The following ADGRL2 variants were observed in gnomAD, a reference collection of about 807,000 sequenced individuals.
ADGRL2 encodes adhesion G protein-coupled receptor L2.
In ADGRL2, 44 loss-of-function variants were observed where a neutral mutation model predicts 157.4. The observed-to-expected ratio is 0.28, with a 90% CI of 0.22 to 0.36. The LOEUF (loss-of-function observed/expected upper bound fraction) is 0.36. Among genes scored for constraint, ADGRL2 ranks in the 10% least tolerant of loss-of-function variants. The pLI is 1.00. For synonymous variants in ADGRL2, 585 were observed against 624.7 expected (o/e 0.94, Z 0.95); for missense variants, 1,510 against 1,768.9 (o/e 0.85, Z 2.63).
chr1:81,826,170 GCACA>G (rs1479322389), intron 1 of ADGRL2, among the ~76,000 whole-genome samples: 32 of 152,132 alleles, frequency 2.1e-4, no homozygotes, highest in Admixed American at 5.9e-4. Flanking sequence ...ATGCATACAT[GCACA>G]TATATATTTA....
chr1:81,980,816 C>G, intron 18 of ADGRL2: 1 of 716,752 alleles, frequency 1.4e-6, no homozygotes, highest in Non-Finnish European at 2.6e-6. Context: ...TTTGTGATGG[C>G]TACTATAATA....
At chr1:81,527,134 GGT>G (rs2079478116) in intron 2 of ADGRL2, among the ~76,000 whole-genome samples, 1 of 152,152 alleles carries the variant, frequency 6.6e-6, no homozygotes, top group Non-Finnish European at 1.5e-5. Context: ...TAATCTGTTA[GGT>G]ACTATTAGGA....
At chr1:81,353,793 A>G (rs981394063) in intron 1 of ADGRL2, among the ~76,000 whole-genome samples, 4 of 152,166 alleles carry the variant, frequency 2.6e-5, no homozygotes, top group African/African-American at 4.8e-5. Flanking sequence ...CAAGGATGCT[A>G]TGGCTCTGGA....
At chr1:81,708,532 A>G (rs1442031602) in intron 1 of ADGRL2, among the ~76,000 whole-genome samples, 8 of 152,152 alleles carry the variant, frequency 5.3e-5, no homozygotes, top group Non-Finnish European at 1.0e-4. Context: ...CAATGCACAT[A>G]TAATGATGTA....
intron 3 of ADGRL2, among the ~76,000 whole-genome samples, chr1:81,608,452 T>G (rs893938953): frequency 6.6e-6 from 1 of 152,200 alleles, no homozygotes. Context: ...ATCTCATTAA[T>G]AAACATCACA....
intron 2 of ADGRL2, among the ~76,000 whole-genome samples, chr1:81,504,910 A>G: frequency 6.6e-6 from 1 of 152,114 alleles, no homozygotes; most frequent in East Asian, 1.9e-4. Flanking sequence ...CCTGCGCGGG[A>G]GCAGGCGGCT....
At chr1:81,480,640 T>C (rs1447292744) in intron 2 of ADGRL2, among the ~76,000 whole-genome samples, 2 of 152,190 alleles carry the variant, frequency 1.3e-5, no homozygotes, top group Admixed American at 1.3e-4. Context: ...TTTATAGTCA[T>C]AATAGACAAA....
chr1:81,951,824 G>A, intron 8 of ADGRL2, 133 bp from the exon 9 acceptor site: 1 of 521,084 alleles, frequency 1.9e-6, no homozygotes, highest in Non-Finnish European at 3.3e-6. Flanking sequence ...CGAAGGGAAA[G>A]TCATCAGTCT....
In ADGRL2 at chr1:81,804,866, A is replaced by C. The variant is rs1252979203; in HGVS notation, c.-101+3798A>C. 5.3e-5 allele frequency among the ~76,000 whole-genome samples: 8 copies of C among 152,222 alleles called. No homozygotes were observed. The East Asian group carries it at 1.5e-3, about 29-fold the overall frequency. On this transcript the variant is annotated intron_variant, in intron 1 of 23. Coordinates refer to ENST00000686636, the MANE Select transcript of ADGRL2 (RefSeq NM_001366006.2). ...TAAAACAATAGAAATTTTGTGATTAAAAGACTCATTTGTACACGTAGGTAA... is the reference window on the plus strand; with the variant it reads ...TAAAACAATAGAAATTTTGTGATTACAAGACTCATTTGTACACGTAGGTAA...
At chr1:81,642,914 T>C (rs1287827166) in intron 3 of ADGRL2, among the ~76,000 whole-genome samples, 2 of 152,166 alleles carry the variant, frequency 1.3e-5, no homozygotes, top group African/African-American at 2.4e-5. Flanking sequence ...AAACCAGATA[T>C]AGATAGGAAC....
At chr1:81,337,336 G>A (rs1201562387) in intron 1 of ADGRL2, among the ~76,000 whole-genome samples, 2 of 143,174 alleles carry the variant, frequency 1.4e-5, no homozygotes, top group Admixed American at 7.0e-5. Flanking sequence ...GGCTCCAGGG[G>A]TTGTGGGTAT....
chr1:81,864,353 T>TTTC (rs759790641), intron 2 of ADGRL2, among the ~76,000 whole-genome samples: 5 of 150,496 alleles, frequency 3.3e-5, no homozygotes, highest in Non-Finnish European at 7.4e-5. Context: ...TGAGGACCTA[T>TTTC]TTCTGATTTA....
chr1:81,835,173 C>G lies in ADGRL2; in HGVS notation c.-100-1712C>G, dbSNP rs187410487. 1.3e-3 allele frequency among the ~76,000 whole-genome samples: 199 copies of G among 152,288 alleles called. 8 individuals are homozygous for G. In the South Asian group the frequency reaches 0.038, roughly 29 times the overall value. ...AGAGTTGAGCATGTGGGCAAGCTGC[C>G]TGTAGGCACTAGCTCATTCAAATCA... On this transcript the variant is annotated intron_variant, in intron 1 of 23. Coordinates refer to ENST00000686636, the MANE Select transcript of ADGRL2 (RefSeq NM_001366006.2).
upstream of ADGRL2, among the ~76,000 whole-genome samples, chr1:81,799,583 AGG>A (rs899562972): frequency 3.9e-5 from 6 of 152,204 alleles, no homozygotes; most frequent in Admixed American, 2.0e-4. Context: ...AAATACTGAT[AGG>A]TATTTAGGAT....
chr1:81,419,313 C>T (rs2101526711), intron 1 of ADGRL2, among the ~76,000 whole-genome samples: 1 of 152,312 alleles, frequency 6.6e-6, no homozygotes. Flanking sequence ...AAGCAATTCT[C>T]CTGCCTCAGC....
intron 1 of ADGRL2, among the ~76,000 whole-genome samples, chr1:81,385,016 A>T (rs914766519): frequency 6.6e-6 from 1 of 152,174 alleles, no homozygotes; most frequent in African/African-American, 2.4e-5. Flanking sequence ...GTCCAACCAG[A>T]TATCAAGTTG....
chr1:81,312,118 AGAG>A (rs1419943534), intron 1 of ADGRL2, among the ~76,000 whole-genome samples: 1 of 152,236 alleles, frequency 6.6e-6, no homozygotes, highest in Non-Finnish European at 1.5e-5. Context: ...GAATACGTTA[AGAG>A]GAGTTAGGGT....
rs183577407 is a variant in ADGRL2, at chr1:81,713,739, G to A, written c.-143+13931G>A. On this transcript the variant is annotated intron_variant, in intron 1 of 20. Coordinates refer to the ADGRL2 transcript ENST00000359929. ...TTGGTCTCAGAGTGGATAAGTAATC[G>A]CCCAAGTTTATACAGTAAGTAAATG... Among the ~76,000 whole-genome samples the A allele has an allele frequency of 3.7e-4, 57 of 152,134 alleles. No individual in the cohort carries two copies. In the East Asian group the frequency reaches 7.6e-3, roughly 20 times the overall value.
At chr1:81,405,586 G>C (rs1441958729) in intron 1 of ADGRL2, among the ~76,000 whole-genome samples, 1 of 149,186 alleles carries the variant, frequency 6.7e-6, no homozygotes, top group Non-Finnish European at 1.5e-5. Flanking sequence ...GGAGGCAGAG[G>C]CTGCAGTGAG....
Sources: allele counts gnomAD v4.1 joint callset (sites outside exome capture counted in the v4.1 genomes callset), GRCh38; gene constraint gnomAD v4.1.1; transcripts MANE v1.5; gene names NCBI Gene and HGNC (gene_info 2026-07-23, HGNC 2026-07-21).